Variants in TMEM132D observed in about 807,000 individuals in gnomAD.
TMEM132D encodes the protein mature OL transmembrane protein.
Under a neutral mutation model 62.3 loss-of-function variants are expected in TMEM132D, and 21 were observed. That is an observed-to-expected ratio of 0.34 (90% CI 0.24 to 0.49). TMEM132D has a LOEUF of 0.49. Ranked by LOEUF, TMEM132D falls within the 20% of genes least tolerant of loss-of-function variation. TMEM132D has a pLI of 0.99. For synonymous variants in TMEM132D, 621 were observed against 575.6 expected (o/e 1.08, Z -1.13); for missense variants, 1,346 against 1,402.8 (o/e 0.96, Z 0.65).
chr12:129,764,856 G>T (rs746197071), intron 1 of TMEM132D, among the ~76,000 whole-genome samples: 1 of 152,124 alleles, frequency 6.6e-6, no homozygotes, highest in Admixed American at 6.5e-5. Flanking sequence ...TAGGAGGATC[G>T]CTTGAGCCTG....
intron 4 of TMEM132D, among the ~76,000 whole-genome samples, chr12:129,252,634 G>A (rs773632399): frequency 6.6e-6 from 1 of 152,152 alleles, no homozygotes; most frequent in South Asian, 2.1e-4. Context: ...TCAGTGTGGC[G>A]ATTCCTCAGG....
chr12:129,250,569 G>A (rs1481077841), intron 4 of TMEM132D, among the ~76,000 whole-genome samples: 1 of 152,198 alleles, frequency 6.6e-6, no homozygotes, highest in Non-Finnish European at 1.5e-5. Context: ...TGGATAAACA[G>A]CTGTGAGGAC....
At chr12:129,618,306 TAA>T (rs957116276) in intron 2 of TMEM132D, among the ~76,000 whole-genome samples, 11 of 152,230 alleles carry the variant, frequency 7.2e-5, no homozygotes, top group Non-Finnish European at 2.9e-5. Flanking sequence ...CTTAAATTAT[TAA>T]AGCAAAATAA....
At chr12:129,420,809 T>C (rs1305743559) in intron 3 of TMEM132D, among the ~76,000 whole-genome samples, 1 of 152,186 alleles carries the variant, frequency 6.6e-6, no homozygotes, top group Non-Finnish European at 1.5e-5. Flanking sequence ...TTCGTGGGAA[T>C]GTATTTGCTG....
At chr12:129,310,817 T>A (rs950553066) in intron 4 of TMEM132D, among the ~76,000 whole-genome samples, 27 of 152,140 alleles carry the variant, frequency 1.8e-4, no homozygotes, top group African/African-American at 6.5e-4. Flanking sequence ...CCAAGCCTTT[T>A]AAAGTGAGCT....
At chr12:129,847,577 T>A (rs1374817072) in intron 1 of TMEM132D, among the ~76,000 whole-genome samples, 1 of 152,106 alleles carries the variant, frequency 6.6e-6, no homozygotes, top group Non-Finnish European at 1.5e-5. Flanking sequence ...AAAAGGCATT[T>A]CCGAATATTA....
At chr12:129,786,599 AAG>A (rs1871253356) in intron 1 of TMEM132D, among the ~76,000 whole-genome samples, 1 of 152,082 alleles carries the variant, frequency 6.6e-6, no homozygotes, top group African/African-American at 2.4e-5. Context: ...ATAAGAAATA[AAG>A]AGAGAGTGGC....
chr12:129,522,284 A>G (rs1013621078), intron 3 of TMEM132D, among the ~76,000 whole-genome samples: 1 of 152,194 alleles, frequency 6.6e-6, no homozygotes, highest in Non-Finnish European at 1.5e-5. Context: ...GTCCATAAGA[A>G]ACAACACTTA....
At position 129,387,864 on chromosome 12, in the gene TMEM132D, A is replaced by G. The variant is rs1398518079; in HGVS notation, c.1116-50047T>C. Among the ~76,000 whole-genome samples, 2 of 102,406 alleles carry G rather than the reference A, an allele frequency of 2.0e-5. 1 individual carries two copies. Among genetic ancestry groups the G allele is most frequent in the Admixed American group, 1.8e-4 (2 of 10,992 alleles). The allele number at this position is 102,406 out of a possible 152,430, so 67.2% of individuals were successfully genotyped here. On this transcript the variant is annotated intron_variant, in intron 3 of 8. Coordinates refer to ENST00000422113, the MANE Select transcript of TMEM132D (RefSeq NM_133448.3). Reference sequence around the variant, plus strand: ...GACATCAATACTAACACCAACACCAATCCAGCACTGATAATAATATGAACA... The same window carrying G: ...GACATCAATACTAACACCAACACCAGTCCAGCACTGATAATAATATGAACA...
At chr12:129,293,620 C>T (rs1881500612) in intron 4 of TMEM132D, among the ~76,000 whole-genome samples, 1 of 152,072 alleles carries the variant, frequency 6.6e-6, no homozygotes, top group Admixed American at 6.5e-5. Context: ...ATGAGATGGT[C>T]CCATCTGGGG....
chr12:129,134,012 G>GATATATAT (rs34965433), intron 5 of TMEM132D, among the ~76,000 whole-genome samples: 1 of 151,222 alleles, frequency 6.6e-6, no homozygotes, highest in Non-Finnish European at 1.5e-5. Context: ...AAGAGATGAA[G>GATATATAT]ATATATATAT....
At chr12:129,504,095 C>T (rs1875256119) in intron 3 of TMEM132D, among the ~76,000 whole-genome samples, 1 of 151,946 alleles carries the variant, frequency 6.6e-6, no homozygotes, top group Non-Finnish European at 1.5e-5. Context: ...ATTATCACCA[C>T]AACCATCATC....
At chr12:129,578,408 A>ATGTGTGTG (rs143488724) in intron 2 of TMEM132D, among the ~76,000 whole-genome samples, 40,533 of 144,664 alleles carry the variant, frequency 0.28, 6,623 homozygotes, top group Non-Finnish European at 0.38. Context: ...TAATACAATT[A>ATGTGTGTG]TGTGTGTGTG....
intron 3 of TMEM132D, among the ~76,000 whole-genome samples, chr12:129,495,472 C>T (rs551830899): frequency 7.1e-4 from 108 of 152,230 alleles, no homozygotes; most frequent in African/African-American, 2.6e-3. Context: ...GAGCCATGCC[C>T]CATACATTCA....
At chr12:129,077,657 CAT>C (rs149243180) in intron 8 of TMEM132D, among the ~76,000 whole-genome samples, 10,123 of 152,012 alleles carry the variant, frequency 0.067, 433 homozygotes, top group Non-Finnish European at 0.094. Flanking sequence ...TACGGACACA[CAT>C]AAAGCAAAAA....
chr12:129,408,524 C>T (rs1871866687), intron 3 of TMEM132D, among the ~76,000 whole-genome samples: 1 of 149,692 alleles, frequency 6.7e-6, no homozygotes, highest in Non-Finnish European at 1.5e-5. Context: ...TTGGGGAGTG[C>T]TTTTTTTCTA....
intron 5 of TMEM132D, among the ~76,000 whole-genome samples, chr12:129,155,915 T>TACTCCCAATATAATGAATCC (rs1555233323): frequency 6.7e-6 from 1 of 149,712 alleles, no homozygotes; most frequent in East Asian, 2.0e-4. Flanking sequence ...ATAACTGACA[T>TACTCCCAATATAATGAATCC]ACTCCCAATA....
intron 1 of TMEM132D, among the ~76,000 whole-genome samples, chr12:129,817,691 G>A (rs1267270840): frequency 1.3e-5 from 2 of 149,624 alleles, no homozygotes; most frequent in East Asian, 4.0e-4. Flanking sequence ...GGGTGTGTAT[G>A]TGTGTGTATC....
At chr12:129,457,493 A>G (rs1209009210) in intron 3 of TMEM132D, among the ~76,000 whole-genome samples, 5 of 150,862 alleles carry the variant, frequency 3.3e-5, no homozygotes, top group African/African-American at 1.2e-4. Context: ...CTAATGCTAA[A>G]TGACGAGTTA....
Sources: gnomAD v4.1 joint callset for allele counts (sites outside exome capture counted in the v4.1 genomes callset) on GRCh38, gnomAD v4.1.1 for gene constraint, MANE v1.5 for transcripts, NCBI Gene and HGNC (gene_info 2026-07-23, HGNC 2026-07-21) for gene names.